The following EXOSC2 variants were observed in gnomAD, a reference collection of about 807,000 sequenced individuals.
EXOSC2 encodes exosome component 2, also known as exosome complex component RRP4.
EXOSC2 carries 29 observed loss-of-function variants against 37.6 expected under a neutral mutation model. That is an observed-to-expected ratio of 0.77 (90% CI 0.57 to 1.05). The LOEUF is 1.05. EXOSC2 is among the 50% of genes least tolerant of loss of function. EXOSC2 has a pLI of 0.00. For missense variants in EXOSC2, 346 were observed against 365.6 expected, an observed-to-expected ratio of 0.95 and a Z score of 0.44; for synonymous variants, 119 against 131.1, an observed-to-expected ratio of 0.91 and a Z score of 0.63.
chr9:130,701,457 C>T (rs561263962), intron 6 of EXOSC2: 2 of 290,734 alleles, frequency 6.9e-6, no homozygotes, highest in Non-Finnish European at 1.0e-5. Context: ...AGCATACTTC[C>T]TAAAACAAAT....
intron 7 of EXOSC2, among the ~76,000 whole-genome samples, chr9:130,702,783 T>C (rs984663222): frequency 5.3e-5 from 8 of 152,116 alleles, no homozygotes; most frequent in African/African-American, 1.9e-4. Flanking sequence ...TTAGTAGAGA[T>C]GGGGTTTCAC....
chr9:130,702,406 T>G, intron 7 of EXOSC2, 96 bp downstream of exon 7: 1 of 1,023,732 alleles, frequency 9.8e-7, no homozygotes, highest in South Asian at 1.5e-5. Context: ...TTAGCTATGT[T>G]ACTGGTGTAG....
Position 130,702,272 on chromosome 9 carries a change from A to G in EXOSC2, c.634A>G (p.Lys212Glu), listed in dbSNP as rs1831233923. Residue 212 changes from lysine to glutamate, a missense_variant, in exon 7 of 9, where the codon AAA (lysine) becomes GAA (glutamate). By Grantham distance (56) the Lys-to-Glu change is moderately conservative (BLOSUM62 1). Coordinates refer to ENST00000372358, the MANE Select transcript of EXOSC2 (RefSeq NM_014285.7). ...CTGGATTTACCCAACACCTGAGCAC[A>G]AAGAAGAGGAAGCAGGGGGCTTCAT... ...FIWIYPTPEH[K>E]EEEAGGFIAN... The G allele has an allele frequency of 6.2e-7, 1 of 1,614,150 alleles. No individual in the cohort carries two copies. Among genetic ancestry groups the G allele is most frequent in the Non-Finnish European group, 8.5e-7 (1 of 1,180,010 alleles).
intron 1 of EXOSC2, 55 bp from the exon 2 acceptor site, chr9:130,695,437 G>T: frequency 6.9e-7 from 1 of 1,455,108 alleles, no homozygotes; most frequent in Non-Finnish European, 9.7e-7. Context: ...TGAAGGGAGA[G>T]AAGTCATTTC....
At chr9:130,693,957 C>T (rs200632112) in intron 1 of EXOSC2, 44 bp downstream of exon 1, 6 of 1,562,176 alleles carry the variant, frequency 3.8e-6, no homozygotes, top group Non-Finnish European at 5.2e-6. Flanking sequence ...AGAGCGGCTT[C>T]AGGGCTCTCT....
intron 6 of EXOSC2, chr9:130,701,756 T>C (rs1315812453): frequency 2.3e-6 from 2 of 886,764 alleles, no homozygotes; most frequent in East Asian, 1.1e-4. Flanking sequence ...AGATGAGTGT[T>C]TGGGGTTCAG....
intron 3 of EXOSC2, 62 bp downstream of exon 3, chr9:130,697,689 G>T: frequency 6.8e-7 from 1 of 1,472,080 alleles, no homozygotes; most frequent in South Asian, 1.1e-5. Flanking sequence ...TCATTCATGG[G>T]ACAGTCATTC....
Position 130,694,467 on chromosome 9 carries a change from T to A in EXOSC2, c.122+554T>A, listed in dbSNP as rs922289495. Among the ~76,000 whole-genome samples the A allele has an allele frequency of 3.3e-5, 5 of 152,168 alleles. No homozygotes were observed. Among genetic ancestry groups the A allele is most frequent in the African/African-American group, 1.2e-4 (5 of 41,448 alleles). ...CGGTCCTGCTACCATCACATCTTAT[T>A]AGCGGCATTGCCTCTCCACGGTCAG... On this transcript the variant is annotated intron_variant, in intron 1 of 8. Transcript: ENST00000372358. The surrounding 1 kb of genome is among the most constrained non-coding windows in gnomAD (Gnocchi z 4.0).
chr9:130,693,876 C>A lies in EXOSC2; in HGVS notation c.85C>A (p.Pro29Thr). 1.9e-6 allele frequency: 3 copies of A among 1,611,774 alleles called. No individual in the cohort carries two copies. The highest frequency in any genetic ancestry group is 2.5e-6 in the Non-Finnish European group (3 of 1,178,442). Residue 29 changes from proline to threonine, a missense_variant, in exon 1 of 9, where the codon CCG becomes ACG. Pro to Thr is a conservative substitution (Grantham distance 38). Coordinates refer to ENST00000372358, the MANE Select transcript of EXOSC2 (RefSeq NM_014285.7). The stretch of plus-strand genomic sequence containing the variant: ...CGACACTAAGAAACATCTAGTGGTG[C>A]CGGGGGATACAATCACTACGGACAC... ...GRDTKKHLVV[P>T]GDTITTDTGF...
chr9:130,699,281 C>G, intron 4 of EXOSC2, 48 bp from the exon 5 acceptor site: 2 of 1,586,540 alleles, frequency 1.3e-6, no homozygotes, highest in Non-Finnish European at 1.7e-6. Context: ...TGATGGAGAC[C>G]TTTCTGAGGA....
At position 130,703,840 on chromosome 9, in the gene EXOSC2, A is replaced by C. The variant is rs563080155; in HGVS notation, c.*66A>C. The C allele has an allele frequency of 2.2e-5, 29 of 1,317,444 alleles. No individual in the cohort carries two copies. Among genetic ancestry groups the C allele is most frequent in the Admixed American group, 6.0e-5 (3 of 49,972 alleles). 81.6% of individuals were successfully genotyped at this position (1,317,444 alleles called of 1,614,324 possible). A position where few individuals can be genotyped will look rare whatever the true frequency, so the allele number is the denominator to read the frequency against. ...GTGAAGACTGTGATGTGTGGTCCCC[A>C]TATGTGGCTCAGCAAAGACTCGAGA... On this transcript the variant is annotated 3_prime_UTR_variant, in exon 9 of 9. Transcript: ENST00000372358.
intron 2 of EXOSC2, among the ~76,000 whole-genome samples, chr9:130,696,712 C>T (rs1028530908): frequency 6.6e-6 from 1 of 152,140 alleles, no homozygotes; most frequent in Non-Finnish European, 1.5e-5. Flanking sequence ...TCTTCCTTTC[C>T]AATTTGGATG....
rs557879237 is a variant in EXOSC2 at position 130,702,428 on chromosome 9, TTGACTTTCCATCAC to T, written c.672+119_672+132del. On this transcript the variant is annotated intron_variant, in intron 7 of 8. Coordinates refer to ENST00000372358, the MANE Select transcript of EXOSC2 (RefSeq NM_014285.7). ...TGTTACTGGTGTAGGCTGAGTCACTTTGACTTTCCATCACGGTATGTTCATGAAGCCCATATTAT... is the reference window on the plus strand; with the variant it reads ...TGTTACTGGTGTAGGCTGAGTCACTTGGTATGTTCATGAAGCCCATATTAT... 1,436 of 777,760 alleles carry T rather than the reference TTGACTTTCCATCAC, an allele frequency of 1.8e-3. 5 individuals are homozygous for T. The highest frequency in any genetic ancestry group is 3.3e-3 in the Middle Eastern group (9 of 2,724). 48.2% of individuals were successfully genotyped at this position (777,760 alleles called of 1,614,324 possible).
chr9:130,693,961 G>A, intron 1 of EXOSC2, 48 bp downstream of exon 1: 2 of 1,557,880 alleles, frequency 1.3e-6, no homozygotes, highest in Non-Finnish European at 1.7e-6. Flanking sequence ...CGGCTTCAGG[G>A]CTCTCTGCAC....
At position 130,698,884 on chromosome 9, in the gene EXOSC2, G is replaced by T. The variant is rs1420693611; in HGVS notation, c.361-445G>T. 1.3e-5 allele frequency among the ~76,000 whole-genome samples: 2 copies of T among 152,222 alleles called. No individual in the cohort carries two copies. Among genetic ancestry groups the T allele is most frequent in the Non-Finnish European group, 2.9e-5 (2 of 68,036 alleles). On this transcript the variant is annotated intron_variant, in intron 4 of 8. Transcript: ENST00000372358. The surrounding 1 kb of genome is among the most constrained non-coding windows in gnomAD (Gnocchi z 4.1). ...TATACAAAAGGAAATTTCAGTGAGA[G>T]AAGCTTGTAGGAAAGACAGGCATTG...
In EXOSC2 at chr9:130,704,883, T is replaced by C. The variant is rs1024277971; in HGVS notation, c.*1109T>C. 1.4e-4 allele frequency: 21 copies of C among 152,098 alleles called. No individual in the cohort carries two copies. The highest frequency in any genetic ancestry group is 4.8e-4 in the African/African-American group (20 of 41,404). 9.4% of individuals were successfully genotyped at this position (152,098 alleles called of 1,614,324 possible). On this transcript the variant is annotated 3_prime_UTR_variant, in exon 9 of 9. Coordinates refer to ENST00000372358, the MANE Select transcript of EXOSC2 (RefSeq NM_014285.7). Reference sequence around the variant, plus strand: ...AGAATGTGAGAATTCCTGTGCATTGTTTTTTCTGATGACTATCTAAAAATG... The same window carrying C: ...AGAATGTGAGAATTCCTGTGCATTGCTTTTTCTGATGACTATCTAAAAATG...
rs1401740327 is a variant in EXOSC2 at position 130,697,713 on chromosome 9, A to G, written c.270+86A>G. 8 of 1,274,170 alleles carry G rather than the reference A, an allele frequency of 6.3e-6. No individual in the cohort carries two copies. In the East Asian group the frequency reaches 7.0e-5, roughly 11 times the overall value. The allele number at this position is 1,274,170 out of a possible 1,614,324, so 78.9% of individuals were successfully genotyped here. ...GGACAGTCATTCCACTTGTAGTTAC[A>G]TGAAAAAGGCATTCATTGCATTTGG... On this transcript the variant is annotated intron_variant, in intron 3 of 8. Transcript: ENST00000372358.
chr9:130,698,014 A>C lies in EXOSC2; in HGVS notation c.271-148A>C. On this transcript the variant is annotated intron_variant, in intron 3 of 8. Transcript: ENST00000372358. The surrounding 1 kb of genome is among the most constrained non-coding windows in gnomAD (Gnocchi z 4.1). The stretch of plus-strand genomic sequence containing the variant: ...TCATTATATTGGTCAGGCTGGTCTC[A>C]AACTCCTGACCTCAAGTGATCCACC... 1 of 678,072 alleles carries C rather than the reference A, an allele frequency of 1.5e-6. No individual in the cohort carries two copies. Among genetic ancestry groups the C allele is most frequent in the South Asian group, 1.7e-5 (1 of 58,186 alleles). 42.0% of individuals were successfully genotyped at this position (678,072 alleles called of 1,614,324 possible). A position where few individuals can be genotyped will look rare whatever the true frequency, so the allele number is the denominator to read the frequency against.
chr9:130,699,677 A>G (rs1831169682), intron 5 of EXOSC2: 3 of 416,318 alleles, frequency 7.2e-6, no homozygotes, highest in African/African-American at 4.0e-5. Context: ...CTTTTAGCGC[A>G]GGGAGTGGAG....
Sources: gnomAD v4.1 joint callset for allele counts (sites outside exome capture counted in the v4.1 genomes callset) on GRCh38, gnomAD v4.1.1 for gene constraint, Gnocchi (gnomAD v3.1) non-coding constraint, MANE v1.5 for transcripts, NCBI Gene and HGNC (gene_info 2026-07-23, HGNC 2026-07-21) for gene names.